The following PDE10A variants were observed in gnomAD, a reference collection of about 807,000 sequenced individuals.
The protein encoded by PDE10A is phosphodiesterase 10A, also known as cAMP and cAMP-inhibited cGMP 3',5'-cyclic phosphodiesterase 10A.
PDE10A carries 39 observed loss-of-function variants against 97.7 expected under a neutral mutation model. The ratio of observed to expected loss-of-function variants is 0.40; its 90% CI spans 0.31 to 0.52. The LOEUF is 0.52. Among genes scored for constraint, PDE10A ranks in the 20% least tolerant of loss-of-function variants. The pLI is 0.56. For missense variants in PDE10A, 731 were observed against 1,047.8 expected, an observed-to-expected ratio of 0.70 and a Z score of 4.17; for synonymous variants, 371 against 376.8, an observed-to-expected ratio of 0.98 and a Z score of 0.18.
chr6:165,508,868 T>G (rs1421467640), intron 2 of PDE10A, among the ~76,000 whole-genome samples: 3 of 152,042 alleles, frequency 2.0e-5, no homozygotes, highest in Non-Finnish European at 4.4e-5. Flanking sequence ...GCTATCATAA[T>G]AGTCCAGTCT....
At chr6:165,869,578 C>T (rs544584384) in intron 1 of PDE10A, among the ~76,000 whole-genome samples, 46 of 152,014 alleles carry the variant, frequency 3.0e-4, no homozygotes, top group Non-Finnish European at 6.2e-4. Context: ...ACATTCTTTG[C>T]AGAAATGGAA....
intron 1 of PDE10A, among the ~76,000 whole-genome samples, chr6:165,965,132 G>A (rs1411445642): frequency 6.6e-6 from 1 of 152,354 alleles, no homozygotes; most frequent in African/African-American, 2.4e-5. Flanking sequence ...TTTTAAACAT[G>A]TAAACCTGCA....
intron 1 of PDE10A, among the ~76,000 whole-genome samples, chr6:165,646,653 G>C (rs986565978): frequency 5.3e-5 from 8 of 152,144 alleles, no homozygotes; most frequent in African/African-American, 1.9e-4. Context: ...TTATGATGTC[G>C]AGGAAAGACA....
rs563824219 is a variant in PDE10A at position 165,327,986 on chromosome 6, G to A, written c.*5039C>T. The A allele has an allele frequency of 2.9e-4, 44 of 152,248 alleles. No homozygotes were observed. In the South Asian group the frequency reaches 8.9e-3, roughly 31 times the overall value. The allele number at this position is 152,248 out of a possible 1,614,324, so 9.4% of individuals were successfully genotyped here. A position where few individuals can be genotyped will look rare whatever the true frequency, so the allele number is the denominator to read the frequency against. On this transcript the variant is annotated 3_prime_UTR_variant, in exon 22 of 22. Transcript: ENST00000539869. ...GGATCTCTTTTGTTCATTTGTTCAT[G>A]TAAAGAAAACCATCTTGTCTTCTCA...
intron 1 of PDE10A, among the ~76,000 whole-genome samples, chr6:165,548,042 G>T (rs683571): frequency 0.91 from 138,481 of 152,128 alleles, 63,350 homozygotes; most frequent in Non-Finnish European, 0.96. Flanking sequence ...AATGGCCCTA[G>T]GTACTCAACA....
chr6:165,798,782 C>T (rs576767953), intron 1 of PDE10A, among the ~76,000 whole-genome samples: 18 of 152,272 alleles, frequency 1.2e-4, no homozygotes, highest in Non-Finnish European at 2.1e-4. Context: ...GGCATGATCT[C>T]GGCTCACTGC....
chr6:165,482,752 C>A (rs888751032), intron 2 of PDE10A, among the ~76,000 whole-genome samples: 8 of 152,176 alleles, frequency 5.3e-5, no homozygotes, highest in Non-Finnish European at 1.0e-4. Context: ...TCCAGCAGAC[C>A]TGGAGCTGGT....
chr6:165,372,326 A>C (rs2128202500), intron 18 of PDE10A, among the ~76,000 whole-genome samples: 1 of 149,976 alleles, frequency 6.7e-6, no homozygotes, highest in Non-Finnish European at 1.5e-5. Flanking sequence ...TATCTAGAAA[A>C]CCCCATTGTC....
chr6:165,898,357 C>T (rs967575329), intron 1 of PDE10A, among the ~76,000 whole-genome samples: 8 of 152,078 alleles, frequency 5.3e-5, no homozygotes, highest in South Asian at 2.1e-4. Flanking sequence ...GCCTGGTGAG[C>T]GAGCACAGCC....
chr6:165,546,694 G>C (rs527411716), intron 1 of PDE10A, among the ~76,000 whole-genome samples: 5 of 152,150 alleles, frequency 3.3e-5, no homozygotes, highest in African/African-American at 1.2e-4. Flanking sequence ...ACAAATGAGT[G>C]GTAGATGGTG....
chr6:165,606,153 G>GAAAA (rs71029555), intron 1 of PDE10A, among the ~76,000 whole-genome samples: 53 of 113,270 alleles, frequency 4.7e-4, no homozygotes, highest in African/African-American at 1.7e-3. Context: ...ACGAACAAGC[G>GAAAA]AAAAAAAAAA....
rs563039995 is a variant in PDE10A at position 165,397,687 on chromosome 6, G to A, written c.2077-1228C>T. Among the ~76,000 whole-genome samples, 10 of 124,170 alleles carry A rather than the reference G, an allele frequency of 8.1e-5. No individual in the cohort carries two copies. The South Asian group carries it at 1.9e-3, about 24-fold the overall frequency. 81.5% of individuals were successfully genotyped at this position (124,170 alleles called of 152,430 possible). On this transcript the variant is annotated intron_variant, in intron 13 of 21. Transcript: ENST00000539869. Reference sequence around the variant, plus strand: ...ATTGCACTCTAGCCTGGGCGACAACGGTGAAACTCCATCTCAAAAAAAAAA... The same window carrying A: ...ATTGCACTCTAGCCTGGGCGACAACAGTGAAACTCCATCTCAAAAAAAAAA...
At chr6:165,489,783 A>G (rs984506976) in intron 2 of PDE10A, among the ~76,000 whole-genome samples, 3 of 152,216 alleles carry the variant, frequency 2.0e-5, no homozygotes, top group African/African-American at 7.2e-5. Context: ...TGAAGGAGAC[A>G]CTTAGAGAAT....
intron 2 of PDE10A, among the ~76,000 whole-genome samples, chr6:165,513,686 C>A (rs915407509): frequency 6.6e-6 from 1 of 152,010 alleles, no homozygotes; most frequent in Non-Finnish European, 1.5e-5. Flanking sequence ...TTTCGATTTT[C>A]TTTAATTTCT....
At chr6:165,701,829 A>G (rs1379432124) in intron 1 of PDE10A, among the ~76,000 whole-genome samples, 1 of 151,712 alleles carries the variant, frequency 6.6e-6, no homozygotes, top group African/African-American at 2.4e-5. Flanking sequence ...GCATGTGGTG[A>G]GTGTGTCTGG....
In PDE10A at chr6:165,445,188, T is replaced by C. The variant is rs908762791; in HGVS notation, c.1194+3740A>G. Among the ~76,000 whole-genome samples, 6 of 152,350 alleles carry C rather than the reference T, an allele frequency of 3.9e-5. No individual in the cohort carries two copies. The South Asian group carries it at 8.3e-4, about 21-fold the overall frequency. Reference sequence around the variant, plus strand: ...AATATGGTTATATTTTAGAAGTGTATCTTCTATTGCCAGCGATACAGCAGA... The same window carrying C: ...AATATGGTTATATTTTAGAAGTGTACCTTCTATTGCCAGCGATACAGCAGA... On this transcript the variant is annotated intron_variant, in intron 5 of 21. Coordinates refer to ENST00000539869, the MANE Select transcript of PDE10A (RefSeq NM_001385079.1).
At chr6:165,820,955 C>T (rs1486412929) in intron 1 of PDE10A, among the ~76,000 whole-genome samples, 1 of 152,240 alleles carries the variant, frequency 6.6e-6, no homozygotes, top group Non-Finnish European at 1.5e-5. Context: ...TCAATTTAGA[C>T]AGCTTAATTT....
chr6:165,737,095 T>A (rs1253185953), intron 1 of PDE10A, among the ~76,000 whole-genome samples: 1 of 152,118 alleles, frequency 6.6e-6, no homozygotes, highest in African/African-American at 2.4e-5. Flanking sequence ...GGCTGAATCA[T>A]GAAGAAATAG....
At chr6:165,893,162 A>C (rs1381030866) in intron 1 of PDE10A, among the ~76,000 whole-genome samples, 1 of 152,234 alleles carries the variant, frequency 6.6e-6, no homozygotes, top group Non-Finnish European at 1.5e-5. Flanking sequence ...TGTATCCTTC[A>C]CCCAGCCTCC....
Sources: allele counts gnomAD v4.1 joint callset (sites outside exome capture counted in the v4.1 genomes callset), GRCh38; gene constraint gnomAD v4.1.1; transcripts MANE v1.5; gene names NCBI Gene and HGNC (gene_info 2026-07-23, HGNC 2026-07-21).